Variants in LAMA3 observed in about 807,000 individuals in gnomAD.
LAMA3 encodes the protein laminin subunit alpha 3.
LAMA3 carries 281 observed loss-of-function variants against 402.0 expected under a neutral mutation model. The observed-to-expected ratio is 0.70, with a 90% CI of 0.63 to 0.77. LAMA3 has a LOEUF of 0.77. LAMA3 is among the 30% of genes least tolerant of loss of function. The pLI, the probability that LAMA3 is intolerant of heterozygous loss-of-function variation, is 0.00. For missense variants in LAMA3, 3,840 were observed against 4,215.5 expected, an observed-to-expected ratio of 0.91 and a Z score of 2.47; for synonymous variants, 1,431 against 1,558.4, an observed-to-expected ratio of 0.92 and a Z score of 1.93.
At chr18:23,733,729 G>C (rs1034908248) in intron 2 of LAMA3, among the ~76,000 whole-genome samples, 1 of 152,082 alleles carries the variant, frequency 6.6e-6, no homozygotes, top group Admixed American at 6.6e-5. Context: ...GAGATTGAGG[G>C]GTTTTGGAGA....
intron 8 of LAMA3, among the ~76,000 whole-genome samples, chr18:23,771,849 TGAAA>T (rs1267082357): frequency 6.6e-6 from 1 of 152,176 alleles, no homozygotes; most frequent in Non-Finnish European, 1.5e-5. Context: ...AAAAGAGTAA[TGAAA>T]GAAGAAAGCC....
At chr18:23,800,424 G>T (rs187154016) in intron 12 of LAMA3, among the ~76,000 whole-genome samples, 140 of 152,212 alleles carry the variant, frequency 9.2e-4, no homozygotes, top group South Asian at 1.7e-3. Context: ...CATAATAATT[G>T]TACATATTTA....
At chr18:23,818,383 T>C (rs1401048731) in intron 18 of LAMA3, among the ~76,000 whole-genome samples, 1 of 152,244 alleles carries the variant, frequency 6.6e-6, no homozygotes, top group African/African-American at 2.4e-5. Context: ...ACATATATCT[T>C]CAAGTTTAGA....
intron 2 of LAMA3, among the ~76,000 whole-genome samples, chr18:23,726,578 T>A (rs2061304118): frequency 2.0e-5 from 3 of 152,214 alleles, no homozygotes; most frequent in Admixed American, 2.0e-4. Flanking sequence ...TGAGGGCAGG[T>A]GGCTATAGTG....
intron 2 of LAMA3, among the ~76,000 whole-genome samples, chr18:23,735,377 A>C (rs1461108458): frequency 6.6e-6 from 1 of 152,180 alleles, no homozygotes; most frequent in Non-Finnish European, 1.5e-5. Flanking sequence ...TCTCCACAGG[A>C]AGAAGTTGTT....
At chr18:23,946,548 T>C in intron 70 of LAMA3, 1 of 480,958 alleles carries the variant, frequency 2.1e-6, no homozygotes, top group Non-Finnish European at 3.7e-6. Context: ...CCTGAATCTA[T>C]TGGCTTCTCC....
At chr18:23,757,294 A>C in intron 6 of LAMA3, among the ~76,000 whole-genome samples, 1 of 150,816 alleles carries the variant, frequency 6.6e-6, no homozygotes, top group African/African-American at 2.4e-5. Flanking sequence ...CCACCCCTTC[A>C]TGCCCCCGGC....
intron 68 of LAMA3, among the ~76,000 whole-genome samples, chr18:23,941,882 C>T (rs937550831): frequency 1.3e-5 from 2 of 152,178 alleles, no homozygotes; most frequent in Admixed American, 1.3e-4. Context: ...TTCTGCAGCA[C>T]GTTCTAATAT....
In LAMA3 at chr18:23,690,072, G is replaced by A; in HGVS notation, c.294+95G>A. The A allele has an allele frequency of 2.9e-6, 3 of 1,028,938 alleles. No individual in the cohort carries two copies. The South Asian group carries it at 6.0e-5, about 20-fold the overall frequency. 63.7% of individuals were successfully genotyped at this position (1,028,938 alleles called of 1,614,324 possible). A position where few individuals can be genotyped will look rare whatever the true frequency, so the allele number is the denominator to read the frequency against. On this transcript the variant is annotated intron_variant, in intron 1 of 74. Transcript: ENST00000313654. ...GGGATCGGGCCCTTTCCTCACGCGC[G>A]CTAGTGGCTCCGGGCGACTGGGAAG...
In LAMA3 at chr18:23,847,422, G is replaced by A. The variant is rs758339010; in HGVS notation, c.3932-42G>A. On this transcript the variant is annotated intron_variant, in intron 31 of 74. Transcript: ENST00000313654. ...GGTGGAGTGCTGCTGGAGCCCAGGC[G>A]GCCTTTGACCCTCACATGGTATTTC... 2.2e-5 allele frequency: 35 copies of A among 1,594,386 alleles called. 1 individual carries two copies. The East Asian group carries it at 2.2e-4, about 10-fold the overall frequency.
chr18:23,886,354 G>A (rs1169768681), intron 41 of LAMA3, among the ~76,000 whole-genome samples: 1 of 152,188 alleles, frequency 6.6e-6, no homozygotes, highest in Admixed American at 6.5e-5. Flanking sequence ...TTGCTAATTA[G>A]GGCCAAGCAT....
chr18:23,867,733 T>A, intron 36 of LAMA3, 101 bp from the exon 37 acceptor site: 1 of 884,532 alleles, frequency 1.1e-6, no homozygotes, highest in South Asian at 1.3e-5. Context: ...AAGTCAGGTA[T>A]GTCATATGAT....
intron 23 of LAMA3, among the ~76,000 whole-genome samples, chr18:23,830,782 G>C (rs540079224): frequency 1.3e-5 from 2 of 152,036 alleles, no homozygotes; most frequent in South Asian, 4.1e-4. Flanking sequence ...GTCTCGAGGA[G>C]TCTGATCCAT....
chr18:23,939,372 G>C lies in LAMA3; in HGVS notation c.9012G>C (p.Glu3004Asp). 6.2e-7 allele frequency: 1 copy of C among 1,614,200 alleles called. No individual in the cohort carries two copies. The highest frequency in any genetic ancestry group is 1.6e-4 in the Middle Eastern group (1 of 6,062). ...ACTTGCTATTCAAGCTTCCTCAGGA[G>C]CTGCTGAAACCCAGGTATTATTTAG... Reference protein sequence around the residue: ...TSHLLFKLPQELLKPRSQFAV... With the variant: ...TSHLLFKLPQDLLKPRSQFAV... Residue 3004 changes from glutamate (E) to aspartate (D), a missense_variant, in exon 68 of 75, where the codon GAG becomes GAC. Glu to Asp is a conservative substitution (Grantham distance 45, BLOSUM62 2). Transcript: ENST00000313654.
chr18:23,750,887 T>C, intron 4 of LAMA3, 31 bp from the exon 5 acceptor site: 2 of 1,613,644 alleles, frequency 1.2e-6, no homozygotes, highest in African/African-American at 1.3e-5. Context: ...AAGGAACTTT[T>C]TCCCCCTTTA....
At chr18:23,755,350 G>T (rs1381710152) in intron 6 of LAMA3, among the ~76,000 whole-genome samples, 1 of 152,146 alleles carries the variant, frequency 6.6e-6, no homozygotes, top group East Asian at 1.9e-4. Context: ...ATGTGTGGAG[G>T]TCTCCCCAAG....
chr18:23,857,263 G>A (rs1224820355), intron 32 of LAMA3, among the ~76,000 whole-genome samples: 2 of 152,184 alleles, frequency 1.3e-5, no homozygotes, highest in East Asian at 3.8e-4. Flanking sequence ...CAGCCCCTCT[G>A]TCCTGATGAT....
At chr18:23,863,089 C>G (rs1213450710) in intron 35 of LAMA3, among the ~76,000 whole-genome samples, 1 of 152,144 alleles carries the variant, frequency 6.6e-6, no homozygotes, top group Admixed American at 6.5e-5. Context: ...AATTTCAGAA[C>G]TGCCATGCCC....
intron 1 of LAMA3, among the ~76,000 whole-genome samples, chr18:23,693,109 C>T (rs1473355577): frequency 5.3e-5 from 8 of 152,078 alleles, no homozygotes; most frequent in African/African-American, 1.4e-4. Context: ...TTTGGGAGGC[C>T]GAGGTGGGCG....
Sources: gnomAD v4.1 joint callset for allele counts (sites outside exome capture counted in the v4.1 genomes callset) on GRCh38, gnomAD v4.1.1 for gene constraint, MANE v1.5 for transcripts, NCBI Gene and HGNC (gene_info 2026-07-23, HGNC 2026-07-21) for gene names.